Variants in CACNA1C observed in about 807,000 individuals in gnomAD.
CACNA1C encodes the protein voltage-dependent L-type calcium channel subunit alpha-1C.
CACNA1C carries 30 observed loss-of-function variants against 229.0 expected under a neutral mutation model. The observed-to-expected ratio is 0.13, with a 90% CI of 0.10 to 0.18. CACNA1C has a LOEUF of 0.18. Among genes scored for constraint, CACNA1C ranks in the 10% least tolerant of loss-of-function variants. The pLI, the probability that CACNA1C is intolerant of heterozygous loss-of-function variation, is 1.00. For synonymous variants in CACNA1C, 1,114 were observed against 1,132.5 expected (o/e 0.98, Z 0.33); for missense variants, 1,658 against 2,845.0 (o/e 0.58, Z 9.49).
rs1348462391 is a variant in CACNA1C at position 2,546,346 on chromosome 12, A to C, written c.1391-3597A>C. ...CTGCAGTAGCTGGTGTCTTCACACT[A>C]TTCCGTGCAGTAGCTGGTGTCTTCA... On this transcript the variant is annotated intron_variant, in intron 9 of 46. Transcript: ENST00000399655. Among the ~76,000 whole-genome samples, 348 of 116,616 alleles carry C rather than the reference A, an allele frequency of 3.0e-3. No homozygotes were observed. The Middle Eastern group carries it at 0.057, about 19-fold the overall frequency. 76.5% of individuals were successfully genotyped at this position (116,616 alleles called of 152,430 possible). A position where few individuals can be genotyped will look rare whatever the true frequency, so the allele number is the denominator to read the frequency against.
chr12:2,441,682 A>G (rs893343607), intron 3 of CACNA1C, among the ~76,000 whole-genome samples: 1 of 152,218 alleles, frequency 6.6e-6, no homozygotes, highest in African/African-American at 2.4e-5. Context: ...AAAAACGAAA[A>G]AAACACTGAT....
chr12:2,654,748 C>T lies in CACNA1C; in HGVS notation c.4141-399C>T, dbSNP rs1366153969. Among the ~76,000 whole-genome samples the T allele has an allele frequency of 1.3e-5, 2 of 152,258 alleles. No homozygotes were observed. Among genetic ancestry groups the T allele is most frequent in the South Asian group, 2.1e-4 (1 of 4,832 alleles). Reference sequence around the variant, plus strand: ...GCTTGCCCTAGCCTCAGATCACTCACTCCACATCACTCCAAAATGCAAGAA... The same window carrying T: ...GCTTGCCCTAGCCTCAGATCACTCATTCCACATCACTCCAAAATGCAAGAA... On this transcript the variant is annotated intron_variant, in intron 33 of 46. Coordinates refer to ENST00000399655, the MANE Select transcript of CACNA1C (RefSeq NM_000719.7). This position sits in a 1 kb window ranked among gnomAD's most constrained non-coding sequence, Gnocchi z 4.4.
chr12:2,168,068 G>A (rs903296068), intron 3 of CACNA1C, among the ~76,000 whole-genome samples: 4 of 152,186 alleles, frequency 2.6e-5, no homozygotes, highest in African/African-American at 9.7e-5. Context: ...GTGTGGGGGG[G>A]AGTGTTTGTG....
At chr12:2,120,770 C>G (rs1246317057) in intron 3 of CACNA1C, among the ~76,000 whole-genome samples, 3 of 151,474 alleles carry the variant, frequency 2.0e-5, no homozygotes, top group Admixed American at 6.6e-5. Context: ...CTGCAGCGAA[C>G]ATCTGTTCTT....
In CACNA1C at chr12:2,585,829, G is replaced by A. The variant is rs769668725; in HGVS notation, c.2461-6G>A. ...TTCTTCCCCCTTCTCCCCTGTGACT[G>A]TCTAGATCAACATGGATGACCTCCA... On this transcript the variant is annotated splice_polypyrimidine_tract_variant and splice_region_variant and intron_variant, in intron 17 of 46. Transcript: ENST00000399655. This position sits in a 1 kb window ranked among gnomAD's most constrained non-coding sequence, Gnocchi z 4.1. 2 of 1,603,756 alleles carry A rather than the reference G, an allele frequency of 1.2e-6. No individual in the cohort carries two copies. The highest frequency in any genetic ancestry group is 1.7e-6 in the Non-Finnish European group (2 of 1,173,114).
chr12:2,627,928 A>ACTC (rs1333993712), intron 29 of CACNA1C, among the ~76,000 whole-genome samples: 1 of 152,144 alleles, frequency 6.6e-6, no homozygotes, highest in Non-Finnish European at 1.5e-5. Flanking sequence ...GGGCCGGGGA[A>ACTC]CTCAGGAGCT....
At chr12:2,586,507 T>C (rs1463575377) in intron 18 of CACNA1C, among the ~76,000 whole-genome samples, 10 of 152,222 alleles carry the variant, frequency 6.6e-5, no homozygotes, top group Admixed American at 6.5e-4. Context: ...ACTTCCCTGC[T>C]CCCTGAAATC....
chr12:2,547,675 G>T (rs2099884230), intron 9 of CACNA1C, among the ~76,000 whole-genome samples: 1 of 152,198 alleles, frequency 6.6e-6, no homozygotes, highest in South Asian at 2.1e-4. Context: ...GTGTGTGTTT[G>T]TGAAGGGATG....
chr12:2,191,804 A>T (rs1200308996), intron 3 of CACNA1C, among the ~76,000 whole-genome samples: 1 of 137,892 alleles, frequency 7.3e-6, no homozygotes, highest in Non-Finnish European at 1.6e-5. Flanking sequence ...TCTCACGTAC[A>T]CAGGCACACG....
intron 1 of CACNA1C, among the ~76,000 whole-genome samples, chr12:2,061,348 G>A (rs1161487312): frequency 1.3e-5 from 2 of 152,216 alleles, no homozygotes; most frequent in Non-Finnish European, 2.9e-5. Context: ...GGTGTTGTGG[G>A]AGGGCTGACA....
chr12:2,256,278 C>T (rs2077747875), intron 3 of CACNA1C, among the ~76,000 whole-genome samples: 2 of 152,284 alleles, frequency 1.3e-5, no homozygotes, highest in South Asian at 2.1e-4. Flanking sequence ...GAACTGGTTA[C>T]TTCTCCATCA....
chr12:2,683,145 C>T (rs2097262942), intron 43 of CACNA1C, among the ~76,000 whole-genome samples: 1 of 152,090 alleles, frequency 6.6e-6, no homozygotes. Context: ...TCCTTGCTGC[C>T]ATTCTTAGAG....
chr12:2,226,137 AC>A (rs2062932046), intron 3 of CACNA1C, among the ~76,000 whole-genome samples: 1 of 142,362 alleles, frequency 7.0e-6, no homozygotes, highest in Non-Finnish European at 1.5e-5. Context: ...ACACACACAC[AC>A]ACACACACAC....
chr12:2,302,916 T>C (rs1393848255), intron 3 of CACNA1C, among the ~76,000 whole-genome samples: 2 of 152,246 alleles, frequency 1.3e-5, no homozygotes, highest in African/African-American at 4.8e-5. Context: ...CTGCTTTGGC[T>C]GGGCTTGCTG....
intron 4 of CACNA1C, among the ~76,000 whole-genome samples, chr12:2,452,304 G>C (rs1459152363): frequency 6.6e-6 from 1 of 152,088 alleles, no homozygotes; most frequent in East Asian, 1.9e-4. Context: ...AACACAGAGG[G>C]ACTGTGGCGG....
intron 3 of CACNA1C, among the ~76,000 whole-genome samples, chr12:2,191,825 C>T (rs1449485826): frequency 2.4e-5 from 3 of 126,954 alleles, no homozygotes; most frequent in African/African-American, 5.5e-5. Context: ...TATGCACACA[C>T]ACATACACAG....
In CACNA1C at chr12:2,678,000, T is replaced by A; in HGVS notation, c.5091+133T>A. The A allele has an allele frequency of 9.6e-7, 1 of 1,039,154 alleles. No individual in the cohort carries two copies. The highest frequency in any genetic ancestry group is 1.4e-6 in the Non-Finnish European group (1 of 705,126). 64.4% of individuals were successfully genotyped at this position (1,039,154 alleles called of 1,614,324 possible). ...GAAAGGGCTACTTCCAGGCTCTTCC[T>A]GATGAGCTGTCTCCTCACCCCTTTG... is the stretch of plus-strand genomic sequence containing the variant. On this transcript the variant is annotated intron_variant, in intron 41 of 46. Coordinates refer to ENST00000399655, the MANE Select transcript of CACNA1C (RefSeq NM_000719.7). The surrounding 1 kb of genome is among the most constrained non-coding windows in gnomAD (Gnocchi z 7.4).
At chr12:2,591,796 G>T (rs890093262) in intron 18 of CACNA1C, among the ~76,000 whole-genome samples, 2 of 151,752 alleles carry the variant, frequency 1.3e-5, no homozygotes, top group Non-Finnish European at 2.9e-5. Context: ...CAAGGGGTCT[G>T]CAGGGCCAAG....
chr12:1,998,802 A>T (rs772269983), intron 1 of CACNA1C, among the ~76,000 whole-genome samples: 5 of 152,240 alleles, frequency 3.3e-5, no homozygotes, highest in Non-Finnish European at 7.3e-5. Context: ...ACTGTAATTC[A>T]GAATTTAAAA....
Sources: allele counts gnomAD v4.1 joint callset (sites outside exome capture counted in the v4.1 genomes callset), GRCh38; gene constraint gnomAD v4.1.1; non-coding constraint Gnocchi (gnomAD v3.1); transcripts MANE v1.5; gene names NCBI Gene and HGNC (gene_info 2026-07-23, HGNC 2026-07-21).